The following FSTL4 variants were observed in gnomAD, a reference collection of about 807,000 sequenced individuals.
The protein encoded by FSTL4 is follistatin-related protein 4.
A neutral mutation model predicts 78.2 loss-of-function variants in FSTL4; 28 were observed. The observed-to-expected ratio is 0.36, with a 90% CI of 0.27 to 0.49. FSTL4 has a LOEUF of 0.49. Among genes scored for constraint, FSTL4 ranks in the 20% least tolerant of loss-of-function variants. The pLI is 0.98. For synonymous variants in FSTL4, 422 were observed against 440.5 expected (o/e 0.96, Z 0.53); for missense variants, 922 against 1,084.9 (o/e 0.85, Z 2.11).
chr5:133,560,598 T>C (rs923046803), intron 3 of FSTL4, among the ~76,000 whole-genome samples: 2 of 151,958 alleles, frequency 1.3e-5, no homozygotes, highest in African/African-American at 4.8e-5. Flanking sequence ...ACTCCTAACC[T>C]TGCAATCTGG....
chr5:133,499,590 C>G (rs1311216902), intron 3 of FSTL4, among the ~76,000 whole-genome samples: 1 of 152,126 alleles, frequency 6.6e-6, no homozygotes, highest in Non-Finnish European at 1.5e-5. Flanking sequence ...ATGTGCTGTT[C>G]ATAACAGTGA....
the FSTL4 span, among the ~76,000 whole-genome samples, chr5:133,659,975 G>T: frequency 6.6e-6 from 1 of 152,180 alleles, no homozygotes; most frequent in Admixed American, 6.5e-5. Flanking sequence ...AAAAGAGACA[G>T]AGAGAAATAA....
the FSTL4 span, among the ~76,000 whole-genome samples, chr5:133,769,640 G>T: frequency 6.6e-6 from 1 of 152,074 alleles, no homozygotes; most frequent in Non-Finnish European, 1.5e-5. Flanking sequence ...GGTAGCAAGG[G>T]TTCACCTTCA....
intron 6 of FSTL4, among the ~76,000 whole-genome samples, chr5:133,296,522 T>C (rs548039645): frequency 8.5e-5 from 13 of 152,292 alleles, no homozygotes; most frequent in African/African-American, 2.9e-4. Context: ...CAGCTTCCCA[T>C]ACCACTCCTA....
At chr5:133,417,835 T>C (rs923373710) in intron 3 of FSTL4, among the ~76,000 whole-genome samples, 6 of 151,614 alleles carry the variant, frequency 4.0e-5, no homozygotes, top group Admixed American at 2.6e-4. Flanking sequence ...GGTGCACAAC[T>C]GTAATCCCAG....
the FSTL4 span, among the ~76,000 whole-genome samples, chr5:133,651,378 G>A: frequency 3.9e-5 from 6 of 152,058 alleles, no homozygotes; most frequent in African/African-American, 9.7e-5. Context: ...TTTTTTTGTG[G>A]ATATTCTTTA....
chr5:133,703,736 G>A, the FSTL4 span, among the ~76,000 whole-genome samples: 4 of 152,164 alleles, frequency 2.6e-5, no homozygotes, highest in African/African-American at 4.8e-5. Context: ...AGGGTCCCAG[G>A]CAGGAAGAGA....
At chr5:133,815,207 G>T in the FSTL4 span, among the ~76,000 whole-genome samples, 1 of 152,250 alleles carries the variant, frequency 6.6e-6, no homozygotes, top group Admixed American at 6.5e-5. Flanking sequence ...GCAAAAGAGT[G>T]AGCTCCTGTA....
the FSTL4 span, among the ~76,000 whole-genome samples, chr5:133,830,104 C>T: frequency 1.3e-5 from 2 of 152,226 alleles, no homozygotes; most frequent in South Asian, 2.1e-4. Flanking sequence ...GATCAACAAG[C>T]ATGTCCTCAC....
In FSTL4 at chr5:133,316,500, C is replaced by T; in HGVS notation, c.562G>A (p.Ala188Thr). ...CTGCTGAGGTGGCCATTGCCATCTG[C>T]ATCTAAGTCCCTGAACAGAGATTCC... is the stretch of plus-strand genomic sequence containing the variant. ...LVESLFRDLD[A>T]DGNGHLSSSE... The change falls in exon 5 of 16, where the codon GCA (alanine) becomes ACA (threonine). Residue 188 changes from alanine to threonine, a missense_variant. Physicochemically the swap from Ala to Thr is moderately conservative, Grantham distance 58 (BLOSUM62 0). Transcript: ENST00000265342. The T allele has an allele frequency of 6.2e-7, 1 of 1,614,198 alleles. No homozygotes were observed. Among genetic ancestry groups the T allele is most frequent in the South Asian group, 1.1e-5 (1 of 91,086 alleles).
At chr5:133,294,216 T>C (rs546089918) in intron 6 of FSTL4, among the ~76,000 whole-genome samples, 1 of 152,148 alleles carries the variant, frequency 6.6e-6, no homozygotes, top group South Asian at 2.1e-4. Context: ...CATAGAAGAG[T>C]GGACTCCCTG....
intron 14 of FSTL4, chr5:133,202,398 AC>A (rs1375475967): frequency 6.1e-6 from 1 of 164,894 alleles, no homozygotes; most frequent in Non-Finnish European, 1.3e-5. Flanking sequence ...CAGAATGGAA[AC>A]ATCACTGTGG....
the FSTL4 span, among the ~76,000 whole-genome samples, chr5:133,655,038 T>A: frequency 2.6e-5 from 4 of 152,154 alleles, no homozygotes; most frequent in African/African-American, 9.7e-5. Flanking sequence ...CCAACATCTG[T>A]CTCCACCAGG....
intron 4 of FSTL4, among the ~76,000 whole-genome samples, chr5:133,332,500 C>T (rs971299446): frequency 6.6e-6 from 1 of 152,196 alleles, no homozygotes; most frequent in Non-Finnish European, 1.5e-5. Flanking sequence ...GCCGGAGAGG[C>T]GGAGCCAGTG....
In FSTL4 at chr5:133,261,994, CAA is replaced by C. The variant is rs35169871; in HGVS notation, c.728-12420_728-12419del. Among the ~76,000 whole-genome samples the C allele has an allele frequency of 2.9e-3, 320 of 110,858 alleles. 1 individual carries two copies. Among genetic ancestry groups the C allele is most frequent in the African/African-American group, 8.4e-3 (282 of 33,440 alleles). The allele number at this position is 110,858 out of a possible 152,430, so 72.7% of individuals were successfully genotyped here. ...GCAACAGCAGAGTGAGACCTAGTCT[CAA>C]AAAAAAAAAAAAAGTGACAGAATAG... On this transcript the variant is annotated intron_variant, in intron 6 of 15. Transcript: ENST00000265342.
the FSTL4 span, among the ~76,000 whole-genome samples, chr5:133,664,202 G>A: frequency 6.6e-6 from 1 of 152,072 alleles, no homozygotes; most frequent in Non-Finnish European, 1.5e-5. Flanking sequence ...GCAATCAGGG[G>A]ACCCATTCAA....
chr5:133,581,543 C>A (rs1202009738), intron 2 of FSTL4, among the ~76,000 whole-genome samples: 1 of 152,228 alleles, frequency 6.6e-6, no homozygotes, highest in Non-Finnish European at 1.5e-5. Flanking sequence ...CCAGGAGGGG[C>A]CTTGTGCCTG....
At chr5:133,554,953 C>T (rs971874370) in intron 3 of FSTL4, among the ~76,000 whole-genome samples, 2 of 152,194 alleles carry the variant, frequency 1.3e-5, no homozygotes, top group African/African-American at 4.8e-5. Context: ...ACATCTGTAG[C>T]TATCAGAAAA....
intron 4 of FSTL4, among the ~76,000 whole-genome samples, chr5:133,349,404 G>T (rs1450676659): frequency 6.6e-6 from 1 of 151,834 alleles, no homozygotes; most frequent in Non-Finnish European, 1.5e-5. Context: ...AGAAGTCATT[G>T]ACCCACAAGG....
Sources: gnomAD v4.1 joint callset for allele counts (sites outside exome capture counted in the v4.1 genomes callset) on GRCh38, gnomAD v4.1.1 for gene constraint, MANE v1.5 for transcripts, NCBI Gene and HGNC (gene_info 2026-07-23, HGNC 2026-07-21) for gene names.